Variants in LMNTD1 observed in about 807,000 individuals in gnomAD.
LMNTD1 encodes lamin tail domain-containing protein 1.
LMNTD1 carries 35 observed loss-of-function variants against 50.9 expected under a neutral mutation model. The observed-to-expected ratio is 0.69, with a 90% CI of 0.53 to 0.91. The LOEUF (loss-of-function observed/expected upper bound fraction) is 0.91. Ranked by LOEUF, LMNTD1 falls within the 40% of genes least tolerant of loss-of-function variation. The pLI, the probability that LMNTD1 is intolerant of heterozygous loss-of-function variation, is 0.00. For missense variants in LMNTD1, 470 were observed against 475.5 expected, an observed-to-expected ratio of 0.99 and a Z score of 0.11; for synonymous variants, 153 against 161.9, an observed-to-expected ratio of 0.94 and a Z score of 0.42.
At chr12:25,502,963 G>A (rs1939469644) in intron 9 of LMNTD1, 1 of 152,208 alleles carries the variant, frequency 6.6e-6, no homozygotes, top group South Asian at 2.1e-4. Flanking sequence ...TTTCTACCAG[G>A]AGAGTCCAGA....
intron 1 of LMNTD1, among the ~76,000 whole-genome samples, chr12:25,627,355 G>C (rs946800546): frequency 6.6e-6 from 1 of 152,086 alleles, no homozygotes; most frequent in Non-Finnish European, 1.5e-5. Flanking sequence ...CGCAGACATT[G>C]TTAAAGGGAA....
chr12:25,520,535 A>T lies in LMNTD1; in HGVS notation c.799-460T>A, dbSNP rs908063244. Among the ~76,000 whole-genome samples, 4 of 152,136 alleles carry T rather than the reference A, an allele frequency of 2.6e-5. No individual in the cohort carries two copies. In the South Asian group the frequency reaches 8.3e-4, roughly 32 times the overall value. On this transcript the variant is annotated intron_variant, in intron 6 of 9. Transcript: ENST00000458174. ...AGCATAATGTCCTCCAGGTACCTCC[A>T]TGTTCTTTCTTAAGGCTGAATAATA...
At position 25,526,931 on chromosome 12, in the gene LMNTD1, A is replaced by T; in HGVS notation, c.516T>A (p.Ala172=). 1 of 1,608,584 alleles carries T rather than the reference A, an allele frequency of 6.2e-7. No individual in the cohort carries two copies. Among genetic ancestry groups the T allele is most frequent in the East Asian group, 2.2e-5 (1 of 44,774 alleles). Residue 172 remains alanine (A), a synonymous_variant, in exon 5 of 10, where the codon GCT becomes GCA. Transcript: ENST00000458174. ...CGAACAAACCCTTGACATTCACTTC[A>T]GCTATTTCAACATCTCCAAGAGAAC... ...TSSSLGDVEI[A]EVNVKGLFVK...
chr12:25,485,232 G>A (rs1384691367), intron 9 of LMNTD1, among the ~76,000 whole-genome samples: 3 of 146,374 alleles, frequency 2.0e-5, no homozygotes, highest in African/African-American at 5.1e-5. Flanking sequence ...TTGTGGTTTT[G>A]ATTTGCATTT....
intron 1 of LMNTD1, among the ~76,000 whole-genome samples, chr12:25,601,597 C>T (rs1435068819): frequency 6.6e-6 from 1 of 151,786 alleles, no homozygotes; most frequent in Non-Finnish European, 1.5e-5. Flanking sequence ...TACCTACCTA[C>T]TATGTACCCA....
intron 8 of LMNTD1, among the ~76,000 whole-genome samples, chr12:25,512,250 G>C (rs1159751987): frequency 6.6e-6 from 1 of 152,166 alleles, no homozygotes; most frequent in Non-Finnish European, 1.5e-5. Flanking sequence ...ACAGTTGACA[G>C]TGGAAAAATG....
At position 25,518,790 on chromosome 12, in the gene LMNTD1, C is replaced by T; in HGVS notation, c.1189+5G>A. On this transcript the variant is annotated splice_donor_5th_base_variant and intron_variant, in intron 8 of 9. Coordinates refer to ENST00000458174, the MANE Select transcript of LMNTD1 (RefSeq NM_001145728.2). ...TCCACTGGAACAAGCACTCTTTTAACTGACCTGAGGCTCGATTAGGTCTGG... is the reference window on the plus strand; with the variant it reads ...TCCACTGGAACAAGCACTCTTTTAATTGACCTGAGGCTCGATTAGGTCTGG... The T allele has an allele frequency of 6.2e-7, 1 of 1,613,846 alleles. No individual in the cohort carries two copies. Among genetic ancestry groups the T allele is most frequent in the Non-Finnish European group, 8.5e-7 (1 of 1,179,826 alleles).
intron 1 of LMNTD1, among the ~76,000 whole-genome samples, chr12:25,574,706 T>G (rs1035078382): frequency 6.6e-6 from 1 of 152,188 alleles, no homozygotes; most frequent in African/African-American, 2.4e-5. Flanking sequence ...TTTTTGTGTA[T>G]GCCTTATCTA....
chr12:25,495,795 G>A (rs1939043193), intron 9 of LMNTD1, among the ~76,000 whole-genome samples: 1 of 152,166 alleles, frequency 6.6e-6, no homozygotes. Flanking sequence ...GGAATGCCCT[G>A]TGGTGATGTA....
intron 1 of LMNTD1, among the ~76,000 whole-genome samples, chr12:25,590,466 G>A (rs1340154584): frequency 6.6e-6 from 1 of 152,168 alleles, no homozygotes; most frequent in Non-Finnish European, 1.5e-5. Flanking sequence ...TTGAAAGACA[G>A]TCTAGGCCAC....
intron 1 of LMNTD1, among the ~76,000 whole-genome samples, chr12:25,629,263 G>A (rs1451843590): frequency 6.6e-6 from 1 of 152,144 alleles, no homozygotes; most frequent in Non-Finnish European, 1.5e-5. Flanking sequence ...TTCTCACAGA[G>A]TGGCCCAGGT....
At chr12:25,520,913 A>G (rs1355245070) in intron 6 of LMNTD1, among the ~76,000 whole-genome samples, 5 of 152,214 alleles carry the variant, frequency 3.3e-5, no homozygotes, top group Non-Finnish European at 5.9e-5. Flanking sequence ...ATGAAGTGTG[A>G]AGTGATAGCT....
At chr12:25,508,113 T>TC (rs1939959852) in intron 8 of LMNTD1, among the ~76,000 whole-genome samples, 1 of 151,726 alleles carries the variant, frequency 6.6e-6, no homozygotes. Flanking sequence ...TTTTTATTGT[T>TC]AAGTTTTTTA....
In LMNTD1 at chr12:25,503,805, AAATTAAAAAAAAT is replaced by A; in HGVS notation, c.1190-18_1190-6del. On this transcript the variant is annotated splice_polypyrimidine_tract_variant and splice_region_variant and intron_variant, in intron 8 of 9. Coordinates refer to ENST00000458174, the MANE Select transcript of LMNTD1 (RefSeq NM_001145728.2). ...ATGTCTTCTTTTTCTTAGACCCTGAAAATTAAAAAAAATAATTAAAAAAAGGAGAGAGGCTAGG... is the reference window on the plus strand; with the variant it reads ...ATGTCTTCTTTTTCTTAGACCCTGAAAATTAAAAAAAGGAGAGAGGCTAGG... 1 of 1,535,392 alleles carries A rather than the reference AAATTAAAAAAAAT, an allele frequency of 6.5e-7. No individual in the cohort carries two copies. The highest frequency in any genetic ancestry group is 2.3e-5 in the East Asian group (1 of 44,106).
chr12:25,571,051 C>T lies in LMNTD1; in HGVS notation c.59-24497G>A, dbSNP rs535603543. Among the ~76,000 whole-genome samples, 5 of 152,224 alleles carry T rather than the reference C, an allele frequency of 3.3e-5. No homozygotes were observed. The South Asian group carries it at 1.0e-3, about 32-fold the overall frequency. On this transcript the variant is annotated intron_variant, in intron 1 of 7. Transcript: ENST00000445693. ...AGGTGGCTCAGTGCTCAGCAGAGCC[C>T]CATGCTTGGTTTAATGATCTGTTGT...
At chr12:25,529,737 A>G (rs1026282730) in intron 4 of LMNTD1, among the ~76,000 whole-genome samples, 1 of 152,124 alleles carries the variant, frequency 6.6e-6, no homozygotes, top group Admixed American at 6.6e-5. Flanking sequence ...CAATCTTTGT[A>G]CAATCCAAAC....
intron 1 of LMNTD1, among the ~76,000 whole-genome samples, chr12:25,626,120 A>T (rs1035490223): frequency 6.6e-6 from 1 of 152,124 alleles, no homozygotes; most frequent in Non-Finnish European, 1.5e-5. Flanking sequence ...GTCTCTCTAA[A>T]CTGTCTAAAA....
chr12:25,560,615 A>T (rs193260214), intron 1 of LMNTD1, among the ~76,000 whole-genome samples: 2 of 152,310 alleles, frequency 1.3e-5, no homozygotes, highest in East Asian at 3.9e-4. Context: ...ATGGCATTGA[A>T]TCTATAAATT....
chr12:25,598,533 T>C (rs1945890331), intron 1 of LMNTD1, among the ~76,000 whole-genome samples: 1 of 151,334 alleles, frequency 6.6e-6, no homozygotes, highest in Non-Finnish European at 1.5e-5. Flanking sequence ...AAAATTGAAA[T>C]GAAAACAATA....
Sources: allele counts gnomAD v4.1 joint callset (sites outside exome capture counted in the v4.1 genomes callset), GRCh38; gene constraint gnomAD v4.1.1; transcripts MANE v1.5; gene names NCBI Gene and HGNC (gene_info 2026-07-23, HGNC 2026-07-21).